The following ZDHHC14 variants were observed in gnomAD, a reference collection of about 807,000 sequenced individuals.
The protein encoded by ZDHHC14 is palmitoyltransferase ZDHHC14.
ZDHHC14 carries 16 observed loss-of-function variants against 47.7 expected under a neutral mutation model. The observed-to-expected ratio is 0.34, with a 90% CI of 0.23 to 0.51. ZDHHC14 has a LOEUF of 0.51. ZDHHC14 is among the 20% of genes least tolerant of loss of function. The pLI is 0.97. For synonymous variants in ZDHHC14, 293 were observed against 278.9 expected, an observed-to-expected ratio of 1.05 and a Z score of -0.50; for missense variants, 515 against 662.5, an observed-to-expected ratio of 0.78 and a Z score of 2.44.
chr6:157,669,029 C>A (rs980539685), intron 8 of ZDHHC14, among the ~76,000 whole-genome samples: 1 of 152,164 alleles, frequency 6.6e-6, no homozygotes, highest in Non-Finnish European at 1.5e-5. Context: ...AGTAAAGGAG[C>A]CTGAAGCATC....
chr6:157,382,339 G>C (rs1777231271), intron 1 of ZDHHC14, 73 bp downstream of exon 1: 1 of 1,547,008 alleles, frequency 6.5e-7, no homozygotes, highest in South Asian at 1.2e-5. Flanking sequence ...TCCTCGGGCT[G>C]CTTTCGTTTT....
chr6:157,390,926 A>AT (rs973488653), intron 1 of ZDHHC14, among the ~76,000 whole-genome samples: 2 of 151,492 alleles, frequency 1.3e-5, no homozygotes, highest in Non-Finnish European at 1.5e-5. Context: ...ATGCCTTGTA[A>AT]TTTTTTTTAT....
chr6:157,424,433 C>T (rs190980538), intron 1 of ZDHHC14, among the ~76,000 whole-genome samples: 2 of 152,046 alleles, frequency 1.3e-5, no homozygotes, highest in Non-Finnish European at 2.9e-5. Context: ...TTTGGTGGTG[C>T]GATTTTGAAT....
At chr6:157,571,466 AAAAC>A (rs1229240355) in intron 2 of ZDHHC14, among the ~76,000 whole-genome samples, 3 of 152,374 alleles carry the variant, frequency 2.0e-5, no homozygotes, top group Non-Finnish European at 2.9e-5. Context: ...AATAACAACA[AAAAC>A]AAACAGTTTA....
Position 157,628,336 on chromosome 6 carries a change from C to G in ZDHHC14, c.566-13C>G. On this transcript the variant is annotated splice_polypyrimidine_tract_variant and intron_variant, in intron 3 of 8. Transcript: ENST00000359775. ...GATTTCCACTTTTTTTTTTTTTCTGCCTCTCATTTCAGAACGGTTTGATCA... is the reference window on the plus strand; with the variant it reads ...GATTTCCACTTTTTTTTTTTTTCTGGCTCTCATTTCAGAACGGTTTGATCA... 6.4e-7 allele frequency: 1 copy of G among 1,552,608 alleles called. No homozygotes were observed. Among genetic ancestry groups the G allele is most frequent in the Non-Finnish European group, 8.6e-7 (1 of 1,159,012 alleles).
At chr6:157,543,865 A>G (rs949656432) in intron 2 of ZDHHC14, among the ~76,000 whole-genome samples, 10 of 152,216 alleles carry the variant, frequency 6.6e-5, no homozygotes, top group African/African-American at 2.4e-4. Context: ...CCCCTGCATC[A>G]TGGGATTCCA....
chr6:157,594,770 TA>T (rs1562497802), intron 3 of ZDHHC14, among the ~76,000 whole-genome samples: 1 of 152,218 alleles, frequency 6.6e-6, no homozygotes, highest in Non-Finnish European at 1.5e-5. Context: ...TGATTACCAG[TA>T]CCCTTCCTGG....
intron 1 of ZDHHC14, among the ~76,000 whole-genome samples, chr6:157,492,871 C>T (rs75014154): frequency 0.024 from 3,645 of 152,036 alleles, 221 homozygotes; most frequent in Admixed American, 0.15. Flanking sequence ...GCAAGGCGCG[C>T]CCTGGGAGCA....
At chr6:157,634,351 G>A (rs1017927792) in intron 5 of ZDHHC14, among the ~76,000 whole-genome samples, 1 of 152,216 alleles carries the variant, frequency 6.6e-6, no homozygotes, top group African/African-American at 2.4e-5. Flanking sequence ...TGACTGGAAG[G>A]AAAGGTGGCC....
chr6:157,541,854 G>A lies in ZDHHC14; in HGVS notation c.246-731G>A, dbSNP rs142433247. On this transcript the variant is annotated intron_variant, in intron 1 of 8. Coordinates refer to ENST00000359775, the MANE Select transcript of ZDHHC14 (RefSeq NM_024630.3). ...TGACTCATAACAATCCCTGCTTCAC[G>A]TCAGCATGTCAGACTGACAGCAGTG... Among the ~76,000 whole-genome samples, 179 of 152,292 alleles carry A rather than the reference G, an allele frequency of 1.2e-3. 1 individual carries two copies. The highest frequency in any genetic ancestry group is 4.0e-3 in the African/African-American group (166 of 41,570).
intron 1 of ZDHHC14, among the ~76,000 whole-genome samples, chr6:157,408,672 A>C (rs151274384): frequency 2.6e-5 from 4 of 152,122 alleles, no homozygotes; most frequent in Non-Finnish European, 4.4e-5. Context: ...ATTCCATGGC[A>C]TATATGTACC....
chr6:157,575,875 T>A (rs945136278), intron 2 of ZDHHC14, among the ~76,000 whole-genome samples: 2 of 152,228 alleles, frequency 1.3e-5, no homozygotes, highest in East Asian at 3.8e-4. Context: ...GTTGAGTGAA[T>A]GATTAGGAAA....
intron 1 of ZDHHC14, among the ~76,000 whole-genome samples, chr6:157,435,702 C>A (rs1778427910): frequency 6.6e-6 from 1 of 152,034 alleles, no homozygotes; most frequent in African/African-American, 2.4e-5. Flanking sequence ...CCCATGCCCG[C>A]CTAATTTTTG....
chr6:157,469,370 A>G (rs1431260432), intron 1 of ZDHHC14, among the ~76,000 whole-genome samples: 1 of 152,172 alleles, frequency 6.6e-6, no homozygotes. Context: ...TATTTCAGGC[A>G]GACTTTTGGG....
intron 2 of ZDHHC14, among the ~76,000 whole-genome samples, chr6:157,565,418 C>CA (rs943635942): frequency 1.3e-5 from 2 of 152,064 alleles, no homozygotes; most frequent in African/African-American, 2.4e-5. Flanking sequence ...GGCAAAAATA[C>CA]AAAAAATTAG....
At position 157,674,547 on chromosome 6, in the gene ZDHHC14, A is replaced by G. The variant is rs935906711; in HGVS notation, c.*1425A>G. On this transcript the variant is annotated 3_prime_UTR_variant, in exon 9 of 9. Coordinates refer to ENST00000359775, the MANE Select transcript of ZDHHC14 (RefSeq NM_024630.3). ...TCCTCTCCTGGCTTCTTTCCAGACC[A>G]TAAATCTAACAGCTAAAGCTACTCA... is the stretch of plus-strand genomic sequence containing the variant. 2 of 152,224 alleles carry G rather than the reference A, an allele frequency of 1.3e-5. No individual in the cohort carries two copies. The highest frequency in any genetic ancestry group is 2.9e-5 in the Non-Finnish European group (2 of 68,046). The allele number at this position is 152,224 out of a possible 1,614,324, so 9.4% of individuals were successfully genotyped here. A position where few individuals can be genotyped will look rare whatever the true frequency, so the allele number is the denominator to read the frequency against.
intron 1 of ZDHHC14, among the ~76,000 whole-genome samples, chr6:157,485,645 A>G (rs2114721527): frequency 6.6e-6 from 1 of 151,250 alleles, no homozygotes; most frequent in East Asian, 1.9e-4. Flanking sequence ...AAATTATATA[A>G]TTTAAAACCT....
At chr6:157,389,612 C>T (rs1777381900) in intron 1 of ZDHHC14, among the ~76,000 whole-genome samples, 2 of 152,040 alleles carry the variant, frequency 1.3e-5, no homozygotes, top group Admixed American at 1.3e-4. Flanking sequence ...TTCCTTTTAT[C>T]TTTAACAAAG....
chr6:157,412,928 A>G (rs566441423), intron 1 of ZDHHC14, among the ~76,000 whole-genome samples: 3 of 152,192 alleles, frequency 2.0e-5, no homozygotes, highest in Non-Finnish European at 4.4e-5. Flanking sequence ...GAAGTTACAG[A>G]TACAACAGCT....
Sources: gnomAD v4.1 joint callset for allele counts (sites outside exome capture counted in the v4.1 genomes callset) on GRCh38, gnomAD v4.1.1 for gene constraint, MANE v1.5 for transcripts, NCBI Gene and HGNC (gene_info 2026-07-23, HGNC 2026-07-21) for gene names.